UBASH3B: variants seen among roughly 807,000 people sequenced by gnomAD.
The protein encoded by UBASH3B is ubiquitin associated and SH3 domain containing B.
A neutral mutation model predicts 83.4 loss-of-function variants in UBASH3B; 37 were observed. The ratio of observed to expected loss-of-function variants is 0.44; its 90% CI spans 0.34 to 0.58. The LOEUF (loss-of-function observed/expected upper bound fraction) is 0.58. UBASH3B is among the 20% of genes least tolerant of loss of function. The probability of loss-of-function intolerance (pLI) is 0.01; values close to 1 mark genes in which losing one functional copy is unlikely to be tolerated. For synonymous variants in UBASH3B, 304 were observed against 318.3 expected, an observed-to-expected ratio of 0.96 and a Z score of 0.48; for missense variants, 657 against 827.2, an observed-to-expected ratio of 0.79 and a Z score of 2.52.
chr11:122,756,528 G>T (rs1861285077), intron 1 of UBASH3B, among the ~76,000 whole-genome samples: 1 of 152,130 alleles, frequency 6.6e-6, no homozygotes, highest in Admixed American at 6.5e-5. Flanking sequence ...GTCAGGGAAG[G>T]GGCCATTTCT....
At chr11:122,707,917 A>G (rs963733983) in intron 1 of UBASH3B, among the ~76,000 whole-genome samples, 5 of 152,020 alleles carry the variant, frequency 3.3e-5, no homozygotes, top group East Asian at 1.9e-4. Flanking sequence ...CTGGTCTCGA[A>G]CTCCTGACCT....
At chr11:122,683,629 T>TAATAATAAA (rs1186991235) in intron 1 of UBASH3B, among the ~76,000 whole-genome samples, 3 of 148,374 alleles carry the variant, frequency 2.0e-5, no homozygotes, top group Non-Finnish European at 4.5e-5. Context: ...ATAATAATAA[T>TAATAATAAA]AAAATAAAAT....
In UBASH3B at chr11:122,794,864, A is replaced by G. The variant is rs1330888173; in HGVS notation, c.1113+30A>G. 7 of 1,611,672 alleles carry G rather than the reference A, an allele frequency of 4.3e-6. No individual in the cohort carries two copies. The South Asian group carries it at 5.5e-5, about 13-fold the overall frequency. On this transcript the variant is annotated intron_variant, in intron 7 of 13. Coordinates refer to ENST00000284273, the MANE Select transcript of UBASH3B (RefSeq NM_032873.5). The stretch of plus-strand genomic sequence containing the variant: ...GGCTGATTGCTAGGGTCACACCCCC[A>G]ACTCTAACCAGGATTCACTGAGAAC...
chr11:122,724,038 T>C (rs1860688396), intron 1 of UBASH3B, among the ~76,000 whole-genome samples: 1 of 152,228 alleles, frequency 6.6e-6, no homozygotes, highest in African/African-American at 2.4e-5. Context: ...TGGCAGCTAT[T>C]CTTGGGATTT....
chr11:122,766,890 C>T (rs79840094), intron 1 of UBASH3B, among the ~76,000 whole-genome samples: 3,105 of 152,388 alleles, frequency 0.02, 103 homozygotes, highest in African/African-American at 0.072. Context: ...TCCCACCACC[C>T]ACCCATGTCT....
chr11:122,689,686 G>C (rs1863858441), intron 1 of UBASH3B, among the ~76,000 whole-genome samples: 1 of 152,082 alleles, frequency 6.6e-6, no homozygotes, highest in South Asian at 2.1e-4. Flanking sequence ...GAGGGCTCTG[G>C]CCCCAGACTG....
chr11:122,663,228 T>C (rs374578422), intron 1 of UBASH3B, among the ~76,000 whole-genome samples: 26 of 152,038 alleles, frequency 1.7e-4, no homozygotes, highest in African/African-American at 6.3e-4. Context: ...CCGCCTGCTT[T>C]GGTCTCCCAA....
At chr11:122,684,066 G>T (rs1240376289) in intron 1 of UBASH3B, among the ~76,000 whole-genome samples, 1 of 152,086 alleles carries the variant, frequency 6.6e-6, no homozygotes, top group African/African-American at 2.4e-5. Context: ...AAAAACTCTT[G>T]ATAAAACATC....
At chr11:122,719,320 T>A (rs921559255) in intron 1 of UBASH3B, among the ~76,000 whole-genome samples, 3 of 152,228 alleles carry the variant, frequency 2.0e-5, no homozygotes, top group Admixed American at 6.5e-5. Flanking sequence ...CTGTGCTAAA[T>A]TTAACCAGGA....
chr11:122,693,650 A>G (rs1235147120), intron 1 of UBASH3B, among the ~76,000 whole-genome samples: 1 of 152,160 alleles, frequency 6.6e-6, no homozygotes, highest in Non-Finnish European at 1.5e-5. Context: ...AGGTGGGCGG[A>G]TCACTTGAGG....
chr11:122,776,709 G>T (rs1025792978), intron 2 of UBASH3B, among the ~76,000 whole-genome samples: 1 of 152,150 alleles, frequency 6.6e-6, no homozygotes, highest in African/African-American at 2.4e-5. Context: ...GGGACAGGCT[G>T]GGTTGGTCCT....
intron 1 of UBASH3B, among the ~76,000 whole-genome samples, chr11:122,714,709 T>C (rs1860477434): frequency 6.6e-6 from 1 of 152,182 alleles, no homozygotes; most frequent in Admixed American, 6.5e-5. Flanking sequence ...GTGCTTCCTC[T>C]TTCCATCTTC....
intron 1 of UBASH3B, among the ~76,000 whole-genome samples, chr11:122,702,633 TC>T (rs1864056875): frequency 6.6e-6 from 1 of 151,978 alleles, no homozygotes; most frequent in Non-Finnish European, 1.5e-5. Flanking sequence ...CAAGCGATTC[TC>T]CTGCTTCAGC....
chr11:122,802,153 A>G (rs1861268047), intron 11 of UBASH3B, among the ~76,000 whole-genome samples: 1 of 152,064 alleles, frequency 6.6e-6, no homozygotes, highest in Non-Finnish European at 1.5e-5. Context: ...CGTCTCTACT[A>G]AAAATACAAA....
rs759595684 is a variant in UBASH3B, at chr11:122,673,730, A to T, written c.161+17520A>T. ...ATTTCTGATGATGGAGAGAATGCAT[A>T]TTTTTTTGCTAAAGAGTCCAATCCT... On this transcript the variant is annotated intron_variant, in intron 1 of 13. Transcript: ENST00000284273. Among the ~76,000 whole-genome samples, 3 of 152,110 alleles carry T rather than the reference A, an allele frequency of 2.0e-5. No individual in the cohort carries two copies. The East Asian group carries it at 5.8e-4, about 29-fold the overall frequency.
intron 1 of UBASH3B, among the ~76,000 whole-genome samples, chr11:122,745,233 C>T (rs1194717531): frequency 2.0e-5 from 3 of 152,190 alleles, no homozygotes; most frequent in Non-Finnish European, 4.4e-5. Flanking sequence ...AACTGGATCA[C>T]GTAACAAACA....
intron 1 of UBASH3B, among the ~76,000 whole-genome samples, chr11:122,668,503 T>C (rs1200402625): frequency 6.6e-6 from 1 of 152,138 alleles, no homozygotes; most frequent in East Asian, 1.9e-4. Flanking sequence ...GATGCTTGGG[T>C]GAGAAAGTGC....
intron 1 of UBASH3B, among the ~76,000 whole-genome samples, chr11:122,668,887 C>A (rs1863555114): frequency 1.3e-5 from 2 of 152,142 alleles, no homozygotes; most frequent in Admixed American, 1.3e-4. Context: ...TTGCCAAGCA[C>A]CACTGTTTCA....
chr11:122,708,816 C>T lies in UBASH3B; in HGVS notation c.161+52606C>T, dbSNP rs180768844. ...TTAGGTTTCAATTTTTCTCACCAGC[C>T]GAAAGCATATAATAATCCTTCTGTC... On this transcript the variant is annotated intron_variant, in intron 1 of 13. Transcript: ENST00000284273. Among the ~76,000 whole-genome samples the T allele has an allele frequency of 1.9e-3, 293 of 152,116 alleles. 1 individual carries two copies. The highest frequency in any genetic ancestry group is 6.8e-3 in the African/African-American group (284 of 41,496).
Sources: gnomAD v4.1 joint callset for allele counts (sites outside exome capture counted in the v4.1 genomes callset) on GRCh38, gnomAD v4.1.1 for gene constraint, MANE v1.5 for transcripts, NCBI Gene and HGNC (gene_info 2026-07-23, HGNC 2026-07-21) for gene names.